ATOH8: variants seen among roughly 807,000 people sequenced by gnomAD.
ATOH8 encodes the protein transcription factor ATOH8.
In ATOH8, 9 loss-of-function variants were observed where a neutral mutation model predicts 21.2. The ratio of observed to expected loss-of-function variants is 0.42; its 90% CI spans 0.26 to 0.74. ATOH8 has a LOEUF of 0.74. ATOH8 is among the 30% of genes least tolerant of loss of function. ATOH8 has a pLI of 0.24. For synonymous variants in ATOH8, 253 were observed against 224.0 expected, an observed-to-expected ratio of 1.13 and a Z score of -1.16; for missense variants, 524 against 470.9, an observed-to-expected ratio of 1.11 and a Z score of -1.04.
At position 85,764,797 on chromosome 2, in the gene ATOH8, A is replaced by G. The variant is rs147117430; in HGVS notation, c.960+615A>G. Among the ~76,000 whole-genome samples the G allele has an allele frequency of 2.1e-3, 321 of 152,304 alleles. 1 individual carries two copies. The highest frequency in any genetic ancestry group is 7.5e-3 in the African/African-American group (310 of 41,564). ...GACCCTCTTGTAAGTAGATGAGGGCAGGAGCCCTGTGCTAGGGGCAGTGGA... is the reference window on the plus strand; with the variant it reads ...GACCCTCTTGTAAGTAGATGAGGGCGGGAGCCCTGTGCTAGGGGCAGTGGA... On this transcript the variant is annotated intron_variant, in intron 2 of 2. Coordinates refer to ENST00000306279, the MANE Select transcript of ATOH8 (RefSeq NM_032827.7).
At chr2:85,786,075 G>A (rs1680615096) in intron 2 of ATOH8, among the ~76,000 whole-genome samples, 1 of 152,150 alleles carries the variant, frequency 6.6e-6, no homozygotes, top group Non-Finnish European at 1.5e-5. Flanking sequence ...GCCAAGTTCA[G>A]CTGCCAGAAT....
rs1386273959 is a variant in ATOH8 at position 85,754,365 on chromosome 2, G to T, written c.176G>T (p.Gly59Val). Residue 59 changes from glycine (G) to valine (V), a missense_variant, in exon 1 of 3, where the codon GGG becomes GTG. Transcript: ENST00000306279. ...GAGCCCCGCGCCGTAGCCACCAACG[G>T]GCTGCGGGACAGGACCCATCGGCTG... ...APEPRAVATN[G>V]LRDRTHRLQP... 1 of 1,605,698 alleles carries T rather than the reference G, an allele frequency of 6.2e-7. No homozygotes were observed. Among genetic ancestry groups the T allele is most frequent in the Admixed American group, 1.7e-5 (1 of 59,630 alleles).
chr2:85,767,681 C>T (rs973692939), intron 2 of ATOH8, among the ~76,000 whole-genome samples: 1 of 139,004 alleles, frequency 7.2e-6, no homozygotes. Flanking sequence ...CATCATGCAG[C>T]GACTGAACAC....
At chr2:85,784,995 C>T (rs184966074) in intron 2 of ATOH8, among the ~76,000 whole-genome samples, 1 of 152,336 alleles carries the variant, frequency 6.6e-6, no homozygotes, top group East Asian at 1.9e-4. Context: ...AAGGTCAGGC[C>T]TTGGTGAGAG....
chr2:85,785,122 GA>G lies in ATOH8; in HGVS notation c.961-1762del, dbSNP rs2104538586. On this transcript the variant is annotated intron_variant, in intron 2 of 2. Coordinates refer to ENST00000306279, the MANE Select transcript of ATOH8 (RefSeq NM_032827.7). This position sits in a 1 kb window ranked among gnomAD's most constrained non-coding sequence, Gnocchi z 4.1. ...CTGACCGCCTTTACAGCATGCCCAG[GA>G]GGACGGCTCCAGCCAACCCAGCCTC... is the stretch of plus-strand genomic sequence containing the variant. Among the ~76,000 whole-genome samples the G allele has an allele frequency of 6.6e-6, 1 of 152,366 alleles. No individual in the cohort carries two copies. Among genetic ancestry groups the G allele is most frequent in the South Asian group, 2.1e-4 (1 of 4,828 alleles).
At chr2:85,767,769 T>C (rs1200010090) in intron 2 of ATOH8, among the ~76,000 whole-genome samples, 3 of 152,060 alleles carry the variant, frequency 2.0e-5, no homozygotes, top group Admixed American at 2.0e-4. Context: ...AATTTCTGCT[T>C]CTAACACAAA....
At chr2:85,779,565 C>G (rs957080332) in intron 2 of ATOH8, among the ~76,000 whole-genome samples, 2 of 152,170 alleles carry the variant, frequency 1.3e-5, no homozygotes, top group African/African-American at 4.8e-5. Flanking sequence ...CTCCAGGAGT[C>G]AAAGGCCAAG....
At position 85,776,458 on chromosome 2, in the gene ATOH8, CAGAG is replaced by C. The variant is rs547061428; in HGVS notation, c.961-10424_961-10421del. On this transcript the variant is annotated intron_variant, in intron 2 of 2. Transcript: ENST00000306279. The stretch of plus-strand genomic sequence containing the variant: ...TTTTGTCAACTGGAGGCACAGCACT[CAGAG>C]AGGGTCACTGGAGGCCACTGCTGGC... Among the ~76,000 whole-genome samples, 18 of 152,378 alleles carry C rather than the reference CAGAG, an allele frequency of 1.2e-4. No homozygotes were observed. In the South Asian group the frequency reaches 3.7e-3, roughly 32 times the overall value.
chr2:85,784,243 C>T (rs1680569463), intron 2 of ATOH8, among the ~76,000 whole-genome samples: 1 of 152,172 alleles, frequency 6.6e-6, no homozygotes, highest in African/African-American at 2.4e-5. Flanking sequence ...GTAGCAATTA[C>T]ACGGTCAAAT....
At chr2:85,764,853 C>T (rs547208317) in intron 2 of ATOH8, among the ~76,000 whole-genome samples, 1 of 152,276 alleles carries the variant, frequency 6.6e-6, no homozygotes, top group Non-Finnish European at 1.5e-5. Flanking sequence ...AGATTCACTC[C>T]CTGCCCACGG....
In ATOH8 at chr2:85,754,855, C is replaced by G. The variant is rs201179036; in HGVS notation, c.666C>G (p.Ser222=). The G allele has an allele frequency of 1.1e-4, 178 of 1,612,420 alleles. No homozygotes were observed. The highest frequency in any genetic ancestry group is 1.4e-4 in the Non-Finnish European group (160 of 1,179,904). Residue 222 remains serine, a synonymous_variant, in exon 1 of 3, where the codon TCC becomes TCG. Coordinates refer to ENST00000306279, the MANE Select transcript of ATOH8 (RefSeq NM_032827.7). ...KRPGEATAAS[S]EIKALQQTRR... is the part of the protein sequence containing the mutation. ...CGGGCGAAGCGACTGCCGCCTCCTC[C>G]GAGATCAAAGCCCTGCAGCAGACCC...
Position 85,764,070 on chromosome 2 carries a change from C to A in ATOH8, c.848C>A (p.Ala283Glu). Residue 283 changes from alanine (A) to glutamate (E), a missense_variant, in exon 2 of 3, where the codon GCG becomes GAG. By Grantham distance (107) the Ala-to-Glu change is moderately radical. Coordinates refer to ENST00000306279, the MANE Select transcript of ATOH8 (RefSeq NM_032827.7). ...RIACNYILSL[A>E]RLADLDYSAD... ...GCCTGTAACTACATCCTGTCCCTGG[C>A]GCGGCTGGCTGACCTTGACTACAGT... 6.2e-7 allele frequency: 1 copy of A among 1,614,186 alleles called. No individual in the cohort carries two copies.
chr2:85,765,832 A>G (rs141935974), intron 2 of ATOH8, among the ~76,000 whole-genome samples: 10 of 152,264 alleles, frequency 6.6e-5, no homozygotes, highest in African/African-American at 2.4e-4. Flanking sequence ...AAGGAGGGAC[A>G]AGTTGGGTGG....
chr2:85,759,698 C>G (rs1179130382), intron 1 of ATOH8, among the ~76,000 whole-genome samples: 3 of 152,056 alleles, frequency 2.0e-5, no homozygotes, highest in Non-Finnish European at 4.4e-5. Flanking sequence ...CTCACTGACA[C>G]GAGACGATCA....
intron 2 of ATOH8, among the ~76,000 whole-genome samples, chr2:85,777,591 T>C (rs1680360652): frequency 6.6e-6 from 1 of 152,158 alleles, no homozygotes; most frequent in South Asian, 2.1e-4. Flanking sequence ...GTACATCCAG[T>C]AATGTCGGGC....
intron 2 of ATOH8, among the ~76,000 whole-genome samples, chr2:85,784,048 G>A (rs1019828898): frequency 1.3e-5 from 2 of 152,180 alleles, no homozygotes; most frequent in Admixed American, 6.5e-5. Flanking sequence ...GCGGATACCT[G>A]CAAGTGGCTG....
At chr2:85,757,750 G>C (rs1679752885) in intron 1 of ATOH8, among the ~76,000 whole-genome samples, 1 of 151,948 alleles carries the variant, frequency 6.6e-6, no homozygotes, top group African/African-American at 2.4e-5. Flanking sequence ...GGAAAGGTAG[G>C]AGGCCTATAA....
Position 85,789,189 on chromosome 2 carries a change from C to A in ATOH8, c.*2299C>A, listed in dbSNP as rs1482192254. ...CCTTACCACCCAGAAAGAGCCCATC[C>A]TCCACCTCCCATCCCCCTCCTGCAT... On this transcript the variant is annotated 3_prime_UTR_variant, in exon 3 of 3. Coordinates refer to ENST00000306279, the MANE Select transcript of ATOH8 (RefSeq NM_032827.7). 1.3e-5 allele frequency among the ~76,000 whole-genome samples: 2 copies of A among 152,178 alleles called. No homozygotes were observed. The highest frequency in any genetic ancestry group is 3.9e-4 in the East Asian group (2 of 5,190).
In ATOH8 at chr2:85,755,504, C is replaced by T. The variant is rs1289366499; in HGVS notation, c.768+547C>T. Among the ~76,000 whole-genome samples, 4 of 152,306 alleles carry T rather than the reference C, an allele frequency of 2.6e-5. No individual in the cohort carries two copies. The East Asian group carries it at 5.8e-4, about 22-fold the overall frequency. On this transcript the variant is annotated intron_variant, in intron 1 of 2. Coordinates refer to ENST00000306279, the MANE Select transcript of ATOH8 (RefSeq NM_032827.7). ...AGAACCCGCGCTACAAGCCTGTGCC[C>T]TCTCCCCAGGGGTGGGCTCAGGAAT...
Sources: gnomAD v4.1 joint callset for allele counts (sites outside exome capture counted in the v4.1 genomes callset) on GRCh38, gnomAD v4.1.1 for gene constraint, Gnocchi (gnomAD v3.1) non-coding constraint, MANE v1.5 for transcripts, NCBI Gene and HGNC (gene_info 2026-07-23, HGNC 2026-07-21) for gene names.